Variants in LHPP observed in about 807,000 individuals in gnomAD.
LHPP encodes the protein hLHPP.
LHPP carries 24 observed loss-of-function variants against 30.3 expected under a neutral mutation model. The ratio of observed to expected loss-of-function variants is 0.79; its 90% CI spans 0.57 to 1.11. The LOEUF is 1.11. Ranked by LOEUF, LHPP falls within the 50% of genes most tolerant of loss-of-function variation. The pLI is 0.00. For missense variants in LHPP, 356 were observed against 367.2 expected (o/e 0.97, Z 0.25); for synonymous variants, 150 against 157.1 (o/e 0.95, Z 0.34).
At chr10:124,489,282 G>A (rs1188146472) in intron 3 of LHPP, among the ~76,000 whole-genome samples, 1 of 152,220 alleles carries the variant, frequency 6.6e-6, no homozygotes, top group Admixed American at 6.5e-5. Context: ...CTTGCAAGTG[G>A]CTTCCTGTGC....
chr10:124,500,818 T>C (rs60466949), intron 5 of LHPP, among the ~76,000 whole-genome samples: 4,090 of 151,948 alleles, frequency 0.027, 251 homozygotes, highest in African/African-American at 0.093. Context: ...GAAATGACAA[T>C]GCTGCCACGG....
At chr10:124,580,992 GGGATTACA>G (rs1487079623) in intron 6 of LHPP, among the ~76,000 whole-genome samples, 1 of 152,116 alleles carries the variant, frequency 6.6e-6, no homozygotes, top group African/African-American at 2.4e-5. Flanking sequence ...CCAAAGTGCT[GGGATTACA>G]GACGTAAGCC....
intron 1 of LHPP, among the ~76,000 whole-genome samples, chr10:124,465,582 A>G (rs1952530556): frequency 6.6e-6 from 1 of 152,226 alleles, no homozygotes; most frequent in Non-Finnish European, 1.5e-5. Flanking sequence ...GTCATGGAAG[A>G]GGAAGTGAGA....
intron 6 of LHPP, among the ~76,000 whole-genome samples, chr10:124,529,796 TACAC>T (rs3083538): frequency 1.1e-4 from 15 of 140,190 alleles, no homozygotes; most frequent in Admixed American, 2.7e-4. Flanking sequence ...CTCATGCACA[TACAC>T]ACACACACAC....
chr10:124,476,069 C>T lies in LHPP; in HGVS notation c.126-8070C>T, dbSNP rs545038470. On this transcript the variant is annotated intron_variant, in intron 1 of 6. Coordinates refer to ENST00000368842, the MANE Select transcript of LHPP (RefSeq NM_022126.4). ...AGAACACTCTAGATGGGAGTTCTGC[C>T]GGCAGGTGAGGAGGCGCAGGTACGG... is the stretch of plus-strand genomic sequence containing the variant. 7.2e-5 allele frequency among the ~76,000 whole-genome samples: 11 copies of T among 152,172 alleles called. No homozygotes were observed. In the South Asian group the frequency reaches 1.2e-3, roughly 17 times the overall value.
At position 124,613,865 on chromosome 10, in the gene LHPP, C is replaced by A. The variant is rs1367400044; in HGVS notation, c.*505C>A. 3 of 155,454 alleles carry A rather than the reference C, an allele frequency of 1.9e-5. No individual in the cohort carries two copies. Among genetic ancestry groups the A allele is most frequent in the Non-Finnish European group, 4.3e-5 (3 of 70,164 alleles). 9.6% of individuals were successfully genotyped at this position (155,454 alleles called of 1,614,324 possible). On this transcript the variant is annotated 3_prime_UTR_variant, in exon 7 of 7. Coordinates refer to ENST00000368842, the MANE Select transcript of LHPP (RefSeq NM_022126.4). Reference sequence around the variant, plus strand: ...TTGCAGCCCAGAACCAAGTCAGCCTCCCTGCGACTGCCCAGGCACACTGCC... The same window carrying A: ...TTGCAGCCCAGAACCAAGTCAGCCTACCTGCGACTGCCCAGGCACACTGCC...
In LHPP at chr10:124,484,176, A is replaced by G. The variant is rs1307144535; in HGVS notation, c.163A>G (p.Asn55Asp). ...CCGGCTGAAGGTGAGGTTCTGCACC[A>G]ACGAGTCGCAGAAGTCCCGGGCAGA... is the stretch of plus-strand genomic sequence containing the variant. ...RSRLKVRFCT[N>D]ESQKSRAELV... Residue 55 changes from asparagine (N) to aspartate (D), a missense_variant, in exon 2 of 7, where the codon AAC becomes GAC. Transcript: ENST00000368842. 1 of 1,614,042 alleles carries G rather than the reference A, an allele frequency of 6.2e-7. No individual in the cohort carries two copies. Among genetic ancestry groups the G allele is most frequent in the Non-Finnish European group, 8.5e-7 (1 of 1,180,008 alleles).
At chr10:124,560,157 T>C (rs1948371040) in intron 6 of LHPP, among the ~76,000 whole-genome samples, 1 of 152,268 alleles carries the variant, frequency 6.6e-6, no homozygotes, top group Non-Finnish European at 1.5e-5. Flanking sequence ...CGTTGTTGTA[T>C]ATGGAGAGAG....
At chr10:124,595,890 T>TGCA (rs1218140683) in intron 6 of LHPP, among the ~76,000 whole-genome samples, 3 of 152,342 alleles carry the variant, frequency 2.0e-5, no homozygotes, top group African/African-American at 4.8e-5. Flanking sequence ...CCGCTCTCCC[T>TGCA]GCACAGCCAC....
chr10:124,488,731 A>G (rs370992024), intron 3 of LHPP, among the ~76,000 whole-genome samples, 156 bp downstream of exon 3: 4 of 151,932 alleles, frequency 2.6e-5, no homozygotes, highest in Admixed American at 1.3e-4. Context: ...TTCTCTCTTC[A>G]TTTCTTTATT....
At chr10:124,490,810 C>T (rs1248740059) in intron 3 of LHPP, among the ~76,000 whole-genome samples, 1 of 152,218 alleles carries the variant, frequency 6.6e-6, no homozygotes, top group African/African-American at 2.4e-5. Context: ...TTATTCTGCA[C>T]AGCCTAGAAT....
chr10:124,608,217 C>T (rs918956405), intron 6 of LHPP, among the ~76,000 whole-genome samples: 1 of 152,124 alleles, frequency 6.6e-6, no homozygotes, highest in Admixed American at 6.5e-5. Flanking sequence ...CCCACTCACC[C>T]TGTCCTCCCT....
intron 6 of LHPP, among the ~76,000 whole-genome samples, chr10:124,559,855 T>C (rs1948363648): frequency 6.6e-6 from 1 of 152,242 alleles, no homozygotes. Context: ...CAGTAGCCCA[T>C]GGGCAGTAAG....
chr10:124,532,731 T>A (rs1954929271), intron 6 of LHPP, among the ~76,000 whole-genome samples: 1 of 152,226 alleles, frequency 6.6e-6, no homozygotes, highest in South Asian at 2.1e-4. Context: ...TAGAAAGTCT[T>A]CTCTGTTTTC....
intron 6 of LHPP, among the ~76,000 whole-genome samples, chr10:124,551,176 C>T (rs540531178): frequency 2.0e-5 from 3 of 152,280 alleles, no homozygotes; most frequent in Admixed American, 6.5e-5. Flanking sequence ...CCCCCAGCCT[C>T]GCCTCCTCCC....
At chr10:124,512,659 T>C (rs547720516) in intron 5 of LHPP, among the ~76,000 whole-genome samples, 22 of 150,866 alleles carry the variant, frequency 1.5e-4, no homozygotes, top group African/African-American at 5.4e-4. Context: ...ATGTATTATG[T>C]CCTGGCCCTG....
At chr10:124,604,126 G>A (rs934497229) in intron 6 of LHPP, among the ~76,000 whole-genome samples, 3 of 152,214 alleles carry the variant, frequency 2.0e-5, no homozygotes, top group Non-Finnish European at 4.4e-5. Context: ...TAAGCAGCAC[G>A]ACATGGCACC....
chr10:124,500,826 C>T (rs918087626), intron 5 of LHPP, among the ~76,000 whole-genome samples: 6 of 151,950 alleles, frequency 3.9e-5, no homozygotes, highest in East Asian at 1.9e-4. Context: ...AATGCTGCCA[C>T]GGAAAGCCAC....
intron 1 of LHPP, among the ~76,000 whole-genome samples, chr10:124,476,659 G>A (rs898186706): frequency 2.6e-5 from 4 of 152,306 alleles, no homozygotes; most frequent in East Asian, 1.9e-4. Flanking sequence ...GGGCTCATGC[G>A]CACATCAGTG....
Sources: gnomAD v4.1 joint callset for allele counts (sites outside exome capture counted in the v4.1 genomes callset) on GRCh38, gnomAD v4.1.1 for gene constraint, MANE v1.5 for transcripts, NCBI Gene and HGNC (gene_info 2026-07-23, HGNC 2026-07-21) for gene names.